The following PPP4R4 variants were observed in gnomAD, a reference collection of about 807,000 sequenced individuals.
PPP4R4 encodes the protein protein phosphatase 4 regulatory subunit 4, also known as serine/threonine-protein phosphatase 4 regulatory subunit 4.
A neutral mutation model predicts 121.8 loss-of-function variants in PPP4R4; 70 were observed. The observed-to-expected ratio is 0.57, with a 90% CI of 0.47 to 0.70. The LOEUF (loss-of-function observed/expected upper bound fraction) is 0.70. PPP4R4 is among the 30% of genes least tolerant of loss of function. PPP4R4 has a pLI of 0.00. For synonymous variants in PPP4R4, 348 were observed against 355.7 expected (o/e 0.98, Z 0.24); for missense variants, 875 against 1,033.6 (o/e 0.85, Z 2.10).
chr14:94,232,848 G>C (rs1892119358), intron 5 of PPP4R4, among the ~76,000 whole-genome samples: 1 of 152,184 alleles, frequency 6.6e-6, no homozygotes, highest in Admixed American at 6.5e-5. Context: ...CATGAGGTCA[G>C]GAGATTGAGA....
intron 16 of PPP4R4, among the ~76,000 whole-genome samples, chr14:94,254,318 C>A (rs1041948085): frequency 6.6e-6 from 1 of 152,110 alleles, no homozygotes; most frequent in African/African-American, 2.4e-5. Context: ...TTTAAATTCA[C>A]CAAGTTTAGA....
chr14:94,250,186 C>G lies in PPP4R4; in HGVS notation c.1626C>G (p.Val542=). ...ACTTCTTCAAGAATGTTTTACCTGT[C>G]CAAAAGGCGGCTTCACGAACTCTAT... ...TIMMTNNVLP[V]QKAASRTLCI... The change falls in exon 15 of 25, where the codon GTC becomes GTG. Residue 542 remains valine, a synonymous_variant. Transcript: ENST00000304338. 1 of 1,609,350 alleles carries G rather than the reference C, an allele frequency of 6.2e-7. No homozygotes were observed. Among genetic ancestry groups the G allele is most frequent in the South Asian group, 1.1e-5 (1 of 90,888 alleles).
chr14:94,230,049 A>G (rs1891927278), intron 3 of PPP4R4, among the ~76,000 whole-genome samples: 1 of 152,118 alleles, frequency 6.6e-6, no homozygotes. Flanking sequence ...TTCTTAAGAA[A>G]TTTTCTTTTG....
chr14:94,275,376 G>A lies in PPP4R4; in HGVS notation c.2452G>A (p.Asp818Asn). ...GACTTTATATGTATTGCTTTCAGAT[G>A]ATTCATTCCGGACTCGTAATGCCAG... ...GKTSVLSLAD[D>N]SFRTRNASSV... Residue 818 changes from aspartate to asparagine, a missense_variant and splice_region_variant, in exon 24 of 25, where the codon GAT (aspartate) becomes AAT (asparagine). Asp to Asn is a conservative substitution (Grantham distance 23). Transcript: ENST00000304338. 3 of 1,613,826 alleles carry A rather than the reference G, an allele frequency of 1.9e-6. No homozygotes were observed. Among genetic ancestry groups the A allele is most frequent in the Non-Finnish European group, 2.5e-6 (3 of 1,179,794 alleles).
intron 2 of PPP4R4, among the ~76,000 whole-genome samples, chr14:94,187,878 T>C (rs183306891): frequency 6.6e-6 from 1 of 152,284 alleles, no homozygotes; most frequent in Non-Finnish European, 1.5e-5. Flanking sequence ...GGTGGTGAAA[T>C]GCCTTTCTTA....
At chr14:94,222,654 C>G (rs1226953185) in intron 3 of PPP4R4, among the ~76,000 whole-genome samples, 1 of 147,980 alleles carries the variant, frequency 6.8e-6, no homozygotes, top group African/African-American at 2.5e-5. Flanking sequence ...TTGTTTTTGT[C>G]TGTTTGAAAA....
At chr14:94,278,328 A>C (rs1228529934) in intron 24 of PPP4R4, among the ~76,000 whole-genome samples, 1 of 152,182 alleles carries the variant, frequency 6.6e-6, no homozygotes, top group Non-Finnish European at 1.5e-5. Context: ...TGGTTATACA[A>C]AATTAAAAAT....
At chr14:94,248,473 A>C (rs1008383902) in intron 14 of PPP4R4, among the ~76,000 whole-genome samples, 2 of 152,322 alleles carry the variant, frequency 1.3e-5, no homozygotes, top group South Asian at 4.1e-4. Context: ...TGTTAAAATG[A>C]CCATATTGCC....
At chr14:94,253,710 A>G (rs1893313788) in intron 16 of PPP4R4, among the ~76,000 whole-genome samples, 1 of 152,238 alleles carries the variant, frequency 6.6e-6, no homozygotes, top group African/African-American at 2.4e-5. Context: ...TCAAAAAACC[A>G]AATGAAGAGT....
At chr14:94,269,545 G>A (rs1200918813) in intron 23 of PPP4R4, among the ~76,000 whole-genome samples, 1 of 151,896 alleles carries the variant, frequency 6.6e-6, no homozygotes, top group African/African-American at 2.4e-5. Flanking sequence ...GTCGGGCGTG[G>A]CGTCAGGCGC....
chr14:94,211,290 A>AG (rs1172546520), intron 3 of PPP4R4, among the ~76,000 whole-genome samples: 1 of 152,184 alleles, frequency 6.6e-6, no homozygotes, highest in African/African-American at 2.4e-5. Flanking sequence ...GTCATTTGTG[A>AG]TAAGCACTCT....
chr14:94,212,636 A>G (rs1043871701), intron 3 of PPP4R4, among the ~76,000 whole-genome samples: 11 of 152,122 alleles, frequency 7.2e-5, no homozygotes, highest in African/African-American at 2.7e-4. Flanking sequence ...TAGGGTATCT[A>G]TTGAATAATT....
intron 3 of PPP4R4, among the ~76,000 whole-genome samples, chr14:94,218,366 C>T (rs1416820734): frequency 6.7e-6 from 1 of 149,062 alleles, no homozygotes; most frequent in Admixed American, 6.7e-5. Flanking sequence ...ACCCTCACCC[C>T]TAGACACCGC....
In PPP4R4 at chr14:94,257,673, A is replaced by ACACACACACG. The variant is rs1305982965; in HGVS notation, c.2010+1072_2010+1073insACACACGCAC. On this transcript the variant is annotated intron_variant, in intron 17 of 24. Coordinates refer to ENST00000304338, the MANE Select transcript of PPP4R4 (RefSeq NM_058237.2). ...CACACACACACACACACACACACAC[A>ACACACACACG]CACTTGTTTCTACCAGACAGTTCCT... Among the ~76,000 whole-genome samples the ACACACACACG allele has an allele frequency of 7.1e-3, 1,062 of 148,836 alleles. 12 individuals are homozygous for ACACACACACG. Among genetic ancestry groups the ACACACACACG allele is most frequent in the African/African-American group, 0.025 (1,002 of 40,456 alleles).
intron 3 of PPP4R4, among the ~76,000 whole-genome samples, chr14:94,227,042 C>T (rs1039732366): frequency 2.0e-5 from 3 of 152,174 alleles, no homozygotes; most frequent in Admixed American, 1.3e-4. Flanking sequence ...AAAATGCTTT[C>T]TTGCACCACT....
At chr14:94,223,400 G>A (rs1220342730) in intron 3 of PPP4R4, among the ~76,000 whole-genome samples, 5 of 152,162 alleles carry the variant, frequency 3.3e-5, no homozygotes, top group Non-Finnish European at 7.3e-5. Context: ...TTCAGGTACT[G>A]GATGATTTGA....
In PPP4R4 at chr14:94,278,559, C is replaced by T. The variant is rs372359555; in HGVS notation, c.2598-60C>T. On this transcript the variant is annotated intron_variant, in intron 24 of 24. Transcript: ENST00000304338. ...TTTTTCATATTTTTTTCTTTTTCTCCCTTTCTCACTCCCTCCTTCCCCACC... is the reference window on the plus strand; with the variant it reads ...TTTTTCATATTTTTTTCTTTTTCTCTCTTTCTCACTCCCTCCTTCCCCACC... The T allele has an allele frequency of 1.3e-4, 154 of 1,193,704 alleles. No homozygotes were observed. The African/African-American group carries it at 1.8e-3, about 14-fold the overall frequency. The allele number at this position is 1,193,704 out of a possible 1,614,324, so 73.9% of individuals were successfully genotyped here.
intron 11 of PPP4R4, among the ~76,000 whole-genome samples, chr14:94,244,269 T>C (rs1044593467): frequency 1.3e-5 from 2 of 152,218 alleles, no homozygotes; most frequent in African/African-American, 4.8e-5. Context: ...TGAACTGGTA[T>C]GAACACTTGT....
At chr14:94,263,999 A>T (rs10149273) in intron 19 of PPP4R4, among the ~76,000 whole-genome samples, 82,927 of 152,004 alleles carry the variant, frequency 0.55, 25,224 homozygotes, top group African/African-American at 0.82. Flanking sequence ...GTTGATTTTC[A>T]TGCCTATTCT....
Sources: gnomAD v4.1 joint callset for allele counts (sites outside exome capture counted in the v4.1 genomes callset) on GRCh38, gnomAD v4.1.1 for gene constraint, MANE v1.5 for transcripts, NCBI Gene and HGNC (gene_info 2026-07-23, HGNC 2026-07-21) for gene names.